The following SLC24A2 variants were observed in gnomAD, a reference collection of about 807,000 sequenced individuals.
SLC24A2 encodes solute carrier family 24 member 2, also known as sodium/potassium/calcium exchanger 2.
Under a neutral mutation model 62.0 loss-of-function variants are expected in SLC24A2, and 36 were observed. The observed-to-expected ratio is 0.58, with a 90% CI of 0.44 to 0.77. The LOEUF (loss-of-function observed/expected upper bound fraction) is 0.77. Among genes scored for constraint, SLC24A2 ranks in the 30% least tolerant of loss-of-function variants. SLC24A2 has a pLI of 0.00. For missense variants in SLC24A2, 846 were observed against 817.9 expected, an observed-to-expected ratio of 1.03 and a Z score of -0.42; for synonymous variants, 358 against 294.0, an observed-to-expected ratio of 1.22 and a Z score of -2.23.
intron 2 of SLC24A2, among the ~76,000 whole-genome samples, chr9:19,749,624 C>G (rs1821926407): frequency 1.3e-5 from 2 of 152,180 alleles, no homozygotes; most frequent in South Asian, 2.1e-4. Flanking sequence ...AATAAAAATT[C>G]AAGATGCTCA....
At chr9:20,101,139 A>G in the SLC24A2 span, among the ~76,000 whole-genome samples, 2 of 152,238 alleles carry the variant, frequency 1.3e-5, no homozygotes, top group African/African-American at 4.8e-5. Flanking sequence ...AATCCTAGCA[A>G]GATAAATTGT....
the SLC24A2 span, among the ~76,000 whole-genome samples, chr9:20,213,835 T>C: frequency 1.3e-5 from 2 of 152,242 alleles, no homozygotes; most frequent in Admixed American, 1.3e-4. Context: ...TGCTTTATAC[T>C]AGGTGCTTTA....
chr9:19,994,263 A>AAT, the SLC24A2 span, among the ~76,000 whole-genome samples: 2 of 152,338 alleles, frequency 1.3e-5, no homozygotes, highest in Non-Finnish European at 2.9e-5. Flanking sequence ...TTTTAAGGCA[A>AAT]TAACAAACTG....
chr9:20,282,588 C>A, the SLC24A2 span, among the ~76,000 whole-genome samples: 2 of 152,072 alleles, frequency 1.3e-5, no homozygotes, highest in Non-Finnish European at 2.9e-5. Context: ...ACCCCGCACC[C>A]CCATCTTTAG....
At chr9:19,589,471 T>C (rs975256196) in intron 5 of SLC24A2, among the ~76,000 whole-genome samples, 12 of 152,250 alleles carry the variant, frequency 7.9e-5, no homozygotes, top group Admixed American at 5.9e-4. Flanking sequence ...TTTGCTTTTT[T>C]ACTTATGTGT....
chr9:20,264,576 T>C, the SLC24A2 span, among the ~76,000 whole-genome samples: 3 of 152,368 alleles, frequency 2.0e-5, no homozygotes, highest in African/African-American at 7.2e-5. Flanking sequence ...CATCACTTAC[T>C]AACTATGGAA....
chr9:19,632,397 T>C lies in SLC24A2; in HGVS notation c.931-10098A>G, dbSNP rs1818202172. Reference sequence around the variant, plus strand: ...TGAGCATCTTATATGTGCTACATTTTTCTAGGTGCAGGGATAAAACAGTGA... The same window carrying C: ...TGAGCATCTTATATGTGCTACATTTCTCTAGGTGCAGGGATAAAACAGTGA... On this transcript the variant is annotated intron_variant, in intron 2 of 10. Transcript: ENST00000341998. The surrounding 1 kb of genome is among the most constrained non-coding windows in gnomAD (Gnocchi z 4.5). 6.6e-6 allele frequency among the ~76,000 whole-genome samples: 1 copy of C among 152,228 alleles called. No homozygotes were observed.
chr9:19,739,607 T>C (rs1014211231), intron 2 of SLC24A2, among the ~76,000 whole-genome samples: 12 of 152,200 alleles, frequency 7.9e-5, no homozygotes, highest in African/African-American at 2.7e-4. Flanking sequence ...ACTTGGATAT[T>C]GATATGCGGG....
At chr9:19,854,452 TAAC>T in the SLC24A2 span, among the ~76,000 whole-genome samples, 1 of 152,160 alleles carries the variant, frequency 6.6e-6, no homozygotes, top group Non-Finnish European at 1.5e-5. Context: ...ATTTTCATCT[TAAC>T]ACTGCTTTAG....
chr9:19,760,136 A>C (rs961818159), intron 2 of SLC24A2, among the ~76,000 whole-genome samples: 24 of 152,104 alleles, frequency 1.6e-4, no homozygotes, highest in African/African-American at 5.6e-4. Flanking sequence ...AGCTTCTCCA[A>C]GTCCCACCAA....
At chr9:19,886,191 C>G in the SLC24A2 span, among the ~76,000 whole-genome samples, 1 of 152,134 alleles carries the variant, frequency 6.6e-6, no homozygotes, top group Non-Finnish European at 1.5e-5. Context: ...TTCACAATGG[C>G]TGAACTAATT....
the SLC24A2 span, among the ~76,000 whole-genome samples, chr9:20,018,869 G>C: frequency 1.3e-4 from 20 of 151,982 alleles, 1 homozygote; most frequent in South Asian, 1.9e-3. Context: ...TTAAAGACAA[G>C]CCTGGGCAAC....
chr9:20,064,403 T>G, the SLC24A2 span, among the ~76,000 whole-genome samples: 5 of 152,194 alleles, frequency 3.3e-5, no homozygotes, highest in Non-Finnish European at 7.3e-5. Context: ...CAGATTGTGC[T>G]TGGGGTTTGC....
chr9:20,074,315 C>T, the SLC24A2 span, among the ~76,000 whole-genome samples: 1 of 151,864 alleles, frequency 6.6e-6, no homozygotes, highest in South Asian at 2.1e-4. Context: ...AGCACTAATA[C>T]TCTGTTCTCA....
chr9:20,067,268 T>C, the SLC24A2 span, among the ~76,000 whole-genome samples: 2 of 152,200 alleles, frequency 1.3e-5, no homozygotes, highest in South Asian at 4.1e-4. Context: ...ATTTGAACTC[T>C]TCATGATGTC....
At chr9:20,179,942 A>C in the SLC24A2 span, among the ~76,000 whole-genome samples, 1,045 of 152,266 alleles carry the variant, frequency 6.9e-3, 8 homozygotes, top group African/African-American at 0.023. Flanking sequence ...TTAAACCACA[A>C]ATCAATATCC....
At chr9:20,129,653 C>G in the SLC24A2 span, among the ~76,000 whole-genome samples, 1 of 151,912 alleles carries the variant, frequency 6.6e-6, no homozygotes, top group Non-Finnish European at 1.5e-5. Context: ...TGAAAAGATG[C>G]TAAGCAAAAG....
At chr9:19,946,533 C>T in the SLC24A2 span, among the ~76,000 whole-genome samples, 7 of 152,300 alleles carry the variant, frequency 4.6e-5, no homozygotes, top group East Asian at 7.7e-4. Flanking sequence ...CAATTTCAAA[C>T]GACCCATTTT....
chr9:20,272,322 C>A, the SLC24A2 span, among the ~76,000 whole-genome samples: 1 of 152,164 alleles, frequency 6.6e-6, no homozygotes, highest in Non-Finnish European at 1.5e-5. Flanking sequence ...TCATTCCTAC[C>A]ATCATCCAGA....
Sources: gnomAD v4.1 joint callset for allele counts (sites outside exome capture counted in the v4.1 genomes callset) on GRCh38, gnomAD v4.1.1 for gene constraint, Gnocchi (gnomAD v3.1) non-coding constraint, MANE v1.5 for transcripts, NCBI Gene and HGNC (gene_info 2026-07-23, HGNC 2026-07-21) for gene names.